AGBL1: variants seen among roughly 807,000 people sequenced by gnomAD.
The protein encoded by AGBL1 is AGBL carboxypeptidase 1, also known as cytosolic carboxypeptidase 4.
A neutral mutation model predicts 118.9 loss-of-function variants in AGBL1; 130 were observed. The observed-to-expected ratio is 1.09, with a 90% confidence interval of 0.95 to 1.26. The LOEUF (loss-of-function observed/expected upper bound fraction) is 1.26. Among genes scored for constraint, AGBL1 ranks in the 50% most tolerant of loss-of-function variants. The probability of loss-of-function intolerance (pLI) is 0.00; values close to 1 mark genes in which losing one functional copy is unlikely to be tolerated. For missense variants in AGBL1, 1,584 were observed against 1,298.1 expected (o/e 1.22, Z -3.38); for synonymous variants, 555 against 478.9 (o/e 1.16, Z -2.08).
At chr15:86,351,846 A>G (rs1187304560) in intron 17 of AGBL1, among the ~76,000 whole-genome samples, 1 of 152,202 alleles carries the variant, frequency 6.6e-6, no homozygotes, top group African/African-American at 2.4e-5. Flanking sequence ...GACATTAGAA[A>G]TATTTTCACA....
intron 23 of AGBL1, among the ~76,000 whole-genome samples, chr15:86,943,623 C>A (rs569726018): frequency 6.6e-6 from 1 of 152,234 alleles, no homozygotes; most frequent in South Asian, 2.1e-4. Context: ...TCTACCCGGC[C>A]GGCACCATGT....
chr15:86,178,063 C>T (rs1226829943), intron 5 of AGBL1, among the ~76,000 whole-genome samples: 1 of 152,148 alleles, frequency 6.6e-6, no homozygotes, highest in East Asian at 1.9e-4. Context: ...CCTGTAATCC[C>T]AGCACTTTGG....
chr15:86,297,305 C>A (rs2079661268), intron 17 of AGBL1, among the ~76,000 whole-genome samples: 1 of 152,118 alleles, frequency 6.6e-6, no homozygotes, highest in Non-Finnish European at 1.5e-5. Flanking sequence ...AAATGACAAT[C>A]ATTGAGCTAG....
intron 22 of AGBL1, among the ~76,000 whole-genome samples, chr15:86,897,110 CAG>C (rs1197080437): frequency 6.6e-6 from 1 of 152,202 alleles, no homozygotes; most frequent in Non-Finnish European, 1.5e-5. Flanking sequence ...ACTGACTCCA[CAG>C]TAGAGAACAT....
chr15:86,446,620 T>C (rs2082124083), intron 18 of AGBL1, among the ~76,000 whole-genome samples: 1 of 152,314 alleles, frequency 6.6e-6, no homozygotes, highest in South Asian at 2.1e-4. Flanking sequence ...ATATTATATC[T>C]GTGACTCTTT....
At chr15:86,674,603 A>G (rs1166094019) in intron 22 of AGBL1, among the ~76,000 whole-genome samples, 167 bp downstream of exon 22, 1 of 152,210 alleles carries the variant, frequency 6.6e-6, no homozygotes, top group Non-Finnish European at 1.5e-5. Flanking sequence ...GATGAAAAAG[A>G]GGATGCTGCC....
intron 17 of AGBL1, among the ~76,000 whole-genome samples, chr15:86,385,855 A>G (rs1276998347): frequency 6.6e-6 from 1 of 151,880 alleles, no homozygotes; most frequent in African/African-American, 2.4e-5. Flanking sequence ...TTATTTTCAT[A>G]TGTTAGGATC....
chr15:86,473,640 C>CATAGA (rs751026794), intron 18 of AGBL1, among the ~76,000 whole-genome samples: 6 of 152,034 alleles, frequency 3.9e-5, no homozygotes, highest in Non-Finnish European at 8.8e-5. Flanking sequence ...GACAGTATTT[C>CATAGA]AATGACTACA....
intron 22 of AGBL1, among the ~76,000 whole-genome samples, chr15:86,815,159 T>C (rs1406992576): frequency 6.6e-6 from 1 of 152,236 alleles, no homozygotes; most frequent in African/African-American, 2.4e-5. Context: ...AACTGGCTTA[T>C]GCTTTAATCT....
chr15:86,473,172 G>C (rs1007071599), intron 18 of AGBL1, among the ~76,000 whole-genome samples: 3 of 152,046 alleles, frequency 2.0e-5, no homozygotes, highest in Non-Finnish European at 4.4e-5. Context: ...TTTCTCCTAT[G>C]CACAAAAATA....
rs756686375 is a variant in AGBL1 at position 86,264,500 on chromosome 15, A to G, written c.1329A>G (p.Gln443=). 51 of 1,613,936 alleles carry G rather than the reference A, an allele frequency of 3.2e-5. No individual in the cohort carries two copies. Among genetic ancestry groups the G allele is most frequent in the Middle Eastern group, 3.3e-4 (2 of 6,084 alleles). Residue 443 remains glutamine, a synonymous_variant, in exon 11 of 23, where the codon CAA becomes CAG. Coordinates refer to ENST00000614907, the MANE Select transcript of AGBL1 (RefSeq NM_001386094.1). The part of the protein sequence containing the change: ...NPGVNLYQNV[Q]SNSLRRDSSE... ...GAGTGAACCTGTACCAAAATGTGCA[A>G]TCCAATAGTCTCAGGAGAGATTCTT...
rs2078334162 is a variant in AGBL1, at chr15:86,224,813, G to T, written c.489-101G>T. 8 of 1,072,822 alleles carry T rather than the reference G, an allele frequency of 7.5e-6. No homozygotes were observed. In the Admixed American group the frequency reaches 1.3e-4, roughly 18 times the overall value. 66.5% of individuals were successfully genotyped at this position (1,072,822 alleles called of 1,614,324 possible). A position where few individuals can be genotyped will look rare whatever the true frequency, so the allele number is the denominator to read the frequency against. ...ATTGCCTGCTACCTGGTTAATCATG[G>T]GTCTGTTATGGGGTGGCAATGGGCA... On this transcript the variant is annotated intron_variant, in intron 5 of 22. Transcript: ENST00000614907.
At chr15:86,529,580 A>G (rs1184194436) in intron 19 of AGBL1, among the ~76,000 whole-genome samples, 1 of 118,690 alleles carries the variant, frequency 8.4e-6, no homozygotes, top group Non-Finnish European at 1.6e-5. Context: ...AAGGCAGGCC[A>G]ACATTCAGAT....
chr15:86,546,395 C>A (rs547095849), intron 20 of AGBL1, among the ~76,000 whole-genome samples: 1 of 152,210 alleles, frequency 6.6e-6, no homozygotes, highest in African/African-American at 2.4e-5. Flanking sequence ...GGCATGAGAA[C>A]TAGAGACAGA....
At chr15:86,797,605 T>A (rs1303852373) in intron 22 of AGBL1, among the ~76,000 whole-genome samples, 1 of 152,106 alleles carries the variant, frequency 6.6e-6, no homozygotes, top group African/African-American at 2.4e-5. Context: ...TTGAGATAGG[T>A]CAGGACAAAG....
At chr15:86,417,495 G>A (rs1400220687) in intron 18 of AGBL1, among the ~76,000 whole-genome samples, 1 of 152,160 alleles carries the variant, frequency 6.6e-6, no homozygotes, top group East Asian at 1.9e-4. Flanking sequence ...GTAAACCTGT[G>A]GATGTAACAT....
chr15:86,709,294 C>A (rs1335135101), intron 22 of AGBL1, among the ~76,000 whole-genome samples: 1 of 151,716 alleles, frequency 6.6e-6, no homozygotes, highest in Non-Finnish European at 1.5e-5. Context: ...TTCTTTTTTG[C>A]TATTGGGTTG....
intron 22 of AGBL1, among the ~76,000 whole-genome samples, chr15:86,709,836 C>T (rs1439934877): frequency 6.6e-6 from 1 of 152,150 alleles, no homozygotes; most frequent in Non-Finnish European, 1.5e-5. Flanking sequence ...AAGTTTCTAT[C>T]ATAGAGTCTG....
At chr15:86,402,071 C>G (rs1255191728) in intron 18 of AGBL1, among the ~76,000 whole-genome samples, 1 of 152,032 alleles carries the variant, frequency 6.6e-6, no homozygotes, top group African/African-American at 2.4e-5. Flanking sequence ...TTGACTCTAC[C>G]TGTCCATGAG....
Sources: allele counts gnomAD v4.1 joint callset (sites outside exome capture counted in the v4.1 genomes callset), GRCh38; gene constraint gnomAD v4.1.1; transcripts MANE v1.5; gene names NCBI Gene and HGNC (gene_info 2026-07-23, HGNC 2026-07-21).